NBEA: variants seen among roughly 807,000 people sequenced by gnomAD.
The protein encoded by NBEA is neurobeachin, also known as lysosomal-trafficking regulator 2.
A neutral mutation model predicts 343.4 loss-of-function variants in NBEA; 44 were observed. The observed-to-expected ratio is 0.13, with a 90% CI of 0.10 to 0.16. NBEA has a LOEUF of 0.16. NBEA is among the 10% of genes least tolerant of loss of function. The pLI is 1.00. For missense variants in NBEA, 2,555 were observed against 3,631.3 expected (o/e 0.70, Z 7.62); for synonymous variants, 1,175 against 1,238.7 (o/e 0.95, Z 1.08).
chr13:35,314,609 C>T (rs563095717), intron 36 of NBEA, among the ~76,000 whole-genome samples: 4 of 151,634 alleles, frequency 2.6e-5, no homozygotes, highest in African/African-American at 9.6e-5. Flanking sequence ...TATGTTAATT[C>T]TACTGAGTTC....
chr13:34,973,903 C>T (rs774220793), intron 1 of NBEA, among the ~76,000 whole-genome samples: 3 of 152,160 alleles, frequency 2.0e-5, no homozygotes, highest in Admixed American at 2.0e-4. Flanking sequence ...ATACCCAGAG[C>T]CAGAGTCTGT....
chr13:35,339,646 C>T (rs591936), intron 36 of NBEA, among the ~76,000 whole-genome samples: 23,621 of 151,932 alleles, frequency 0.16, 2,047 homozygotes, highest in East Asian at 0.23. Flanking sequence ...CTGACATCTT[C>T]TTGGCTTCTG....
At chr13:35,247,909 A>G (rs913110407) in intron 34 of NBEA, among the ~76,000 whole-genome samples, 2 of 152,238 alleles carry the variant, frequency 1.3e-5, no homozygotes, top group Non-Finnish European at 2.9e-5. Flanking sequence ...AATAAAGTAA[A>G]AAATGAAAGA....
chr13:35,023,627 T>C (rs1261599099), intron 1 of NBEA, among the ~76,000 whole-genome samples: 14 of 152,114 alleles, frequency 9.2e-5, no homozygotes, highest in Admixed American at 9.2e-4. Flanking sequence ...TACGTACATC[T>C]GTGTGTGTAT....
intron 1 of NBEA, among the ~76,000 whole-genome samples, chr13:35,019,185 C>T (rs567535280): frequency 5.3e-5 from 8 of 151,392 alleles, no homozygotes; most frequent in Admixed American, 2.0e-4. Flanking sequence ...TCTACGTTCA[C>T]GATGGTTATT....
intron 36 of NBEA, among the ~76,000 whole-genome samples, chr13:35,333,146 G>A (rs866274415): frequency 1.2e-4 from 18 of 151,942 alleles, no homozygotes; most frequent in African/African-American, 2.7e-4. Flanking sequence ...ATATGAGACC[G>A]AAAGCCAATA....
intron 18 of NBEA, among the ~76,000 whole-genome samples, chr13:35,148,332 C>T (rs1242997757): frequency 2.6e-5 from 4 of 152,110 alleles, no homozygotes; most frequent in Admixed American, 6.6e-5. Context: ...AAGTAAAGTC[C>T]ATTGGTCACT....
At chr13:35,390,904 C>T (rs2042468654) in intron 38 of NBEA, among the ~76,000 whole-genome samples, 1 of 151,890 alleles carries the variant, frequency 6.6e-6, no homozygotes, top group Non-Finnish European at 1.5e-5. Context: ...TACAAAAATG[C>T]CTGATTGAAG....
intron 47 of NBEA, among the ~76,000 whole-genome samples, chr13:35,605,614 C>T (rs975453029): frequency 6.6e-6 from 1 of 152,022 alleles, no homozygotes; most frequent in Non-Finnish European, 1.5e-5. Context: ...TAATTTTCTC[C>T]CAATTACTTT....
chr13:35,211,323 T>TA, intron 33 of NBEA, 144 bp downstream of exon 33: 1 of 747,698 alleles, frequency 1.3e-6, no homozygotes, highest in Non-Finnish European at 2.1e-6. Flanking sequence ...TATTTTTGGC[T>TA]AGTTATTATG....
At chr13:35,589,293 A>T (rs954192207) in intron 46 of NBEA, among the ~76,000 whole-genome samples, 1 of 152,112 alleles carries the variant, frequency 6.6e-6, no homozygotes, top group Non-Finnish European at 1.5e-5. Flanking sequence ...ATTTGTTAGA[A>T]TGTGACCTTG....
intron 1 of NBEA, among the ~76,000 whole-genome samples, chr13:35,001,772 C>A (rs1487815428): frequency 6.6e-6 from 1 of 151,928 alleles, no homozygotes; most frequent in Non-Finnish European, 1.5e-5. Flanking sequence ...CTATTGTTAA[C>A]AATTTATTGT....
intron 1 of NBEA, among the ~76,000 whole-genome samples, chr13:34,975,887 C>T (rs2060157325): frequency 1.3e-5 from 2 of 152,164 alleles, no homozygotes; most frequent in South Asian, 4.1e-4. Flanking sequence ...CACCTCACTC[C>T]TGCAAGAATG....
chr13:34,960,536 C>T lies in NBEA; in HGVS notation c.294+17422C>T, dbSNP rs528703715. Among the ~76,000 whole-genome samples the T allele has an allele frequency of 1.5e-4, 23 of 152,178 alleles. No individual in the cohort carries two copies. The South Asian group carries it at 2.5e-3, about 16-fold the overall frequency. ...ACCACTGACTCACCCAGAGCAACTT[C>T]CAGTCTTGGAAGCTCCATTCATGTT... On this transcript the variant is annotated intron_variant, in intron 1 of 58. Transcript: ENST00000379939.
chr13:35,641,138 A>G (rs1683050938), intron 49 of NBEA, among the ~76,000 whole-genome samples: 1 of 152,196 alleles, frequency 6.6e-6, no homozygotes, highest in African/African-American at 2.4e-5. Flanking sequence ...TACAAGTTTT[A>G]TTAATAAGTT....
At chr13:35,125,826 A>ATACG (rs1186409820) in intron 17 of NBEA, among the ~76,000 whole-genome samples, 1 of 134,930 alleles carries the variant, frequency 7.4e-6, no homozygotes, top group Non-Finnish European at 1.7e-5. Flanking sequence ...AAACAAATGC[A>ATACG]TACATACATA....
intron 41 of NBEA, among the ~76,000 whole-genome samples, chr13:35,510,883 A>G (rs1255310501): frequency 6.6e-6 from 1 of 152,186 alleles, no homozygotes; most frequent in African/African-American, 2.4e-5. Context: ...AGATCTTATT[A>G]ATGTCCAGAA....
chr13:35,070,195 T>A, intron 9 of NBEA, 90 bp downstream of exon 9: 1 of 1,269,426 alleles, frequency 7.9e-7, no homozygotes, highest in Non-Finnish European at 1.0e-6. Flanking sequence ...TCTATAAATC[T>A]ATGATTTTTT....
chr13:34,974,345 T>C (rs1177107607), intron 1 of NBEA, among the ~76,000 whole-genome samples: 1 of 152,192 alleles, frequency 6.6e-6, no homozygotes, highest in African/African-American at 2.4e-5. Context: ...TTTGCCAGAG[T>C]AGAAGTGGTT....
Sources: gnomAD v4.1 joint callset for allele counts (sites outside exome capture counted in the v4.1 genomes callset) on GRCh38, gnomAD v4.1.1 for gene constraint, MANE v1.5 for transcripts, NCBI Gene and HGNC (gene_info 2026-07-23, HGNC 2026-07-21) for gene names.